Variants in SAA2 observed in about 807,000 individuals in gnomAD.
SAA2 encodes the protein serum amyloid A-2 protein.
In SAA2, 5 loss-of-function variants were observed where a neutral mutation model predicts 9.1. The ratio of observed to expected loss-of-function variants is 0.55; its 90% CI spans 0.29 to 1.16. The LOEUF is 1.16. SAA2 is among the 50% of genes most tolerant of loss of function. SAA2 has a pLI of 0.09. For missense variants in SAA2, 94 were observed against 153.8 expected (o/e 0.61, Z 2.06); for synonymous variants, 49 against 59.8 (o/e 0.82, Z 0.83).
chr11:18,239,135 T>C (rs1463543909), downstream of SAA2: 1 of 152,260 alleles, frequency 6.6e-6, no homozygotes, highest in Non-Finnish European at 1.5e-5. Context: ...GTTTTCAACA[T>C]GATGTTATTT....
intron 2 of SAA2, among the ~76,000 whole-genome samples, chr11:18,247,076 T>C (rs1478451577): frequency 6.6e-6 from 1 of 152,276 alleles, no homozygotes; most frequent in Non-Finnish European, 1.5e-5. Context: ...AGTAAGTCCC[T>C]GGGCATTGGC....
At position 18,245,520 on chromosome 11, in the gene SAA2, A is replaced by G. The variant is rs1278765975; in HGVS notation, c.231-5T>C. 8 of 1,613,986 alleles carry G rather than the reference A, an allele frequency of 5.0e-6. No homozygotes were observed. The highest frequency in any genetic ancestry group is 1.3e-5 in the African/African-American group (1 of 75,052). Reference sequence around the variant, plus strand: ...TGGATATTCTCTCTGGCATTGCTGTAGTCCAGGCAGGCAAGAAGGAGATTA... The same window carrying G: ...TGGATATTCTCTCTGGCATTGCTGTGGTCCAGGCAGGCAAGAAGGAGATTA... On this transcript the variant is annotated splice_polypyrimidine_tract_variant and splice_region_variant and intron_variant, in intron 3 of 3. Transcript: ENST00000256733.
chr11:18,244,587 A>T (rs1453044156), downstream of SAA2, among the ~76,000 whole-genome samples: 1 of 152,214 alleles, frequency 6.6e-6, no homozygotes, highest in Non-Finnish European at 1.5e-5. Context: ...TTTTCAAATT[A>T]CTGCCTGGTT....
chr11:18,239,802 T>A (rs1857289709), exon 4 of SAA2: 5 of 988,454 alleles, frequency 5.1e-6, no homozygotes, highest in African/African-American at 1.7e-5. Flanking sequence ...TCCATCCACA[T>A]GCTGAGGGAG....
At position 18,239,842 on chromosome 11, in the gene SAA2, A is replaced by G. The variant is rs943821958; in HGVS notation, c.*106T>C. On this transcript the variant is annotated 3_prime_UTR_variant, in exon 4 of 4. Transcript: ENST00000414546. ...TCCATGCCTCTTAGCACAGGTTCCA[A>G]AGGCCATGGTCTTGTTAGTGGTGGT... The G allele has an allele frequency of 1.5e-5, 21 of 1,428,034 alleles. No individual in the cohort carries two copies. In the Admixed American group the frequency reaches 2.6e-4, roughly 18 times the overall value. The allele number at this position is 1,428,034 out of a possible 1,614,324, so 88.5% of individuals were successfully genotyped here. A position where few individuals can be genotyped will look rare whatever the true frequency, so the allele number is the denominator to read the frequency against.
At chr11:18,242,853 C>T (rs566206241), downstream of SAA2, 204 of 700,154 alleles carry the variant, frequency 2.9e-4, 1 homozygote, top group Admixed American at 3.6e-4. Flanking sequence ...TCTCAAATAA[C>T]GAAACAAAAC....
At chr11:18,241,251 T>C (rs1857337333), downstream of SAA2, among the ~76,000 whole-genome samples, 1 of 152,080 alleles carries the variant, frequency 6.6e-6, no homozygotes, top group Admixed American at 6.6e-5. Flanking sequence ...TTGGTGAGGA[T>C]GTGGAGAAAA....
At chr11:18,238,812 C>G (rs140297100), downstream of SAA2, among the ~76,000 whole-genome samples, 587 of 151,892 alleles carry the variant, frequency 3.9e-3, 1 homozygote, top group Non-Finnish European at 6.3e-3. Flanking sequence ...TCACTCCCCC[C>G]CTCCCCACTA....
chr11:18,242,924 G>A (rs1411911413), downstream of SAA2: 3 of 655,618 alleles, frequency 4.6e-6, no homozygotes, highest in Non-Finnish European at 8.3e-6. Context: ...CTAACAGAGA[G>A]AAGCATGTTA....
At chr11:18,242,575 G>A (rs1042135894), downstream of SAA2, 6 of 536,998 alleles carry the variant, frequency 1.1e-5, no homozygotes, top group African/African-American at 3.9e-5. Context: ...GCTGGGCTCA[G>A]TGACTCATGC....
downstream of SAA2, among the ~76,000 whole-genome samples, chr11:18,241,673 C>T (rs2445175): frequency 0.4 from 60,457 of 151,948 alleles, 13,643 homozygotes; most frequent in East Asian, 0.85. Flanking sequence ...ATCACATTTT[C>T]GCACTTATAA....
rs549219559 is a variant in SAA2, at chr11:18,247,378, C to T, written c.91+543G>A. Among the ~76,000 whole-genome samples, 6 of 148,532 alleles carry T rather than the reference C, an allele frequency of 4.0e-5. No homozygotes were observed. The South Asian group carries it at 8.7e-4, about 22-fold the overall frequency. On this transcript the variant is annotated intron_variant, in intron 2 of 3. Coordinates refer to ENST00000256733, the MANE Select transcript of SAA2 (RefSeq NM_030754.5). Reference sequence around the variant, plus strand: ...CAACAGCCTTAGTCATACTCCTATGCGATTTATGCTGAGGGACATTTTATA... The same window carrying T: ...CAACAGCCTTAGTCATACTCCTATGTGATTTATGCTGAGGGACATTTTATA...
chr11:18,240,071 A>G (rs1857299716), intron 3 of SAA2: 1 of 1,451,050 alleles, frequency 6.9e-7, no homozygotes, highest in Non-Finnish European at 9.4e-7. Flanking sequence ...CCAATGGGGT[A>G]CCGGTGATTA....
At chr11:18,245,856 C>T in intron 3 of SAA2, 54 bp downstream of exon 3, 9 of 1,608,522 alleles carry the variant, frequency 5.6e-6, no homozygotes, top group Non-Finnish European at 7.6e-6. Context: ...CCTGACTGTC[C>T]AAGGCAGGCA....
In SAA2 at chr11:18,245,500, A is replaced by T; in HGVS notation, c.246T>A (p.Asn82Lys). 1 of 1,614,082 alleles carries T rather than the reference A, an allele frequency of 6.2e-7. No homozygotes were observed. The highest frequency in any genetic ancestry group is 8.5e-7 in the Non-Finnish European group (1 of 1,179,950). ...AAEVISNARE[N>K]IQRLTGRGAE... ...CACCACGGCCTGTGAGTCTCTGGAT[A>T]TTCTCTCTGGCATTGCTGTAGTCCA... Residue 82 changes from asparagine to lysine, a missense_variant, in exon 4 of 4, where the codon AAT becomes AAA. Asn to Lys is a moderately conservative substitution (Grantham distance 94, BLOSUM62 0). Coordinates refer to ENST00000256733, the MANE Select transcript of SAA2 (RefSeq NM_030754.5).
rs116861605 is a variant in SAA2, at chr11:18,245,510, G to A, written c.236C>T (p.Ala79Val). The A allele has an allele frequency of 4.2e-3, 6,812 of 1,613,998 alleles. 19 individuals carry two copies. The highest frequency in any genetic ancestry group is 5.3e-3 in the Non-Finnish European group (6,258 of 1,179,880). Residue 79 changes from alanine (A) to valine (V), a missense_variant, in exon 4 of 4, where the codon GCC becomes GTC. By Grantham distance (64) the Ala-to-Val change is moderately conservative (BLOSUM62 0). Coordinates refer to ENST00000256733, the MANE Select transcript of SAA2 (RefSeq NM_030754.5). ...GAWAAEVISN[A>V]RENIQRLTGR... is the part of the protein sequence containing the mutation. ...TGTGAGTCTCTGGATATTCTCTCTG[G>A]CATTGCTGTAGTCCAGGCAGGCAAG...
At chr11:18,238,411 A>C (rs1020323559), downstream of SAA2, among the ~76,000 whole-genome samples, 1 of 151,878 alleles carries the variant, frequency 6.6e-6, no homozygotes, top group African/African-American at 2.4e-5. Context: ...TGTCTTTATT[A>C]ATATTTTCTT....
downstream of SAA2, chr11:18,242,812 A>C (rs1857386822): frequency 2.9e-6 from 2 of 701,740 alleles, no homozygotes; most frequent in Non-Finnish European, 5.2e-6. Context: ...ATGCCATGGC[A>C]CTTCAGCCTG....
At chr11:18,245,857 A>G (rs1390303337) in intron 3 of SAA2, 53 bp downstream of exon 3, 20 of 1,609,178 alleles carry the variant, frequency 1.2e-5, no homozygotes, top group East Asian at 2.2e-5. Flanking sequence ...CTGACTGTCC[A>G]AGGCAGGCAA....
Sources: gnomAD v4.1 joint callset for allele counts (sites outside exome capture counted in the v4.1 genomes callset) on GRCh38, gnomAD v4.1.1 for gene constraint, MANE v1.5 for transcripts, NCBI Gene and HGNC (gene_info 2026-07-23, HGNC 2026-07-21) for gene names.